The following CELF2 variants were observed in gnomAD, a reference collection of about 807,000 sequenced individuals.
CELF2 encodes CUGBP Elav-like family member 2.
CELF2 carries 8 observed loss-of-function variants against 62.6 expected under a neutral mutation model. The ratio of observed to expected loss-of-function variants is 0.13; its 90% CI spans 0.07 to 0.23. CELF2 has a LOEUF of 0.23. CELF2 is among the 10% of genes least tolerant of loss of function. The probability of loss-of-function intolerance (pLI) is 1.00; values close to 1 mark genes in which losing one functional copy is unlikely to be tolerated. For synonymous variants in CELF2, 258 were observed against 250.0 expected, an observed-to-expected ratio of 1.03 and a Z score of -0.30; for missense variants, 333 against 671.0, an observed-to-expected ratio of 0.50 and a Z score of 5.56.
chr10:10,548,215 C>G, the CELF2 span, among the ~76,000 whole-genome samples: 70 of 152,332 alleles, frequency 4.6e-4, no homozygotes, highest in African/African-American at 1.6e-3. Flanking sequence ...CAGGGATACC[C>G]TGTGGTCCCT....
chr10:10,494,766 C>T, the CELF2 span, among the ~76,000 whole-genome samples: 2 of 152,064 alleles, frequency 1.3e-5, no homozygotes, highest in African/African-American at 2.4e-5. Flanking sequence ...TCAAAGGCCT[C>T]TATAAAAAAT....
chr10:11,313,883 G>A (rs2094732467), intron 9 of CELF2, among the ~76,000 whole-genome samples: 1 of 152,100 alleles, frequency 6.6e-6, no homozygotes, highest in Admixed American at 6.5e-5. Flanking sequence ...TGGCAGGGCA[G>A]GCCTCCCATT....
intron 1 of CELF2, among the ~76,000 whole-genome samples, chr10:10,829,745 G>A (rs1461625916): frequency 6.6e-6 from 1 of 152,168 alleles, no homozygotes; most frequent in Non-Finnish European, 1.5e-5. Context: ...GAGATAAGAA[G>A]CAAAACAGAG....
At chr10:10,711,078 G>C in the CELF2 span, among the ~76,000 whole-genome samples, 1 of 152,158 alleles carries the variant, frequency 6.6e-6, no homozygotes, top group Admixed American at 6.5e-5. Flanking sequence ...AAGGGTTGCA[G>C]TGGTCCTGGC....
At position 11,110,894 on chromosome 10, in the gene CELF2, C is replaced by T. The variant is rs997387684; in HGVS notation, c.75-54592C>T. On this transcript the variant is annotated intron_variant, in intron 1 of 12. Transcript: ENST00000633077. The surrounding 1 kb of genome is among the most constrained non-coding windows in gnomAD (Gnocchi z 4.0). ...ACAAGGAGCAAAGCCCTTGGAAACG[C>T]AGCACTGCAATGAGCATTTTATTGA... Among the ~76,000 whole-genome samples, 2 of 152,144 alleles carry T rather than the reference C, an allele frequency of 1.3e-5. No individual in the cohort carries two copies. Among genetic ancestry groups the T allele is most frequent in the African/African-American group, 2.4e-5 (1 of 41,418 alleles).
chr10:10,841,429 A>G (rs2058678513), intron 1 of CELF2, among the ~76,000 whole-genome samples: 1 of 151,424 alleles, frequency 6.6e-6, no homozygotes, highest in African/African-American at 2.4e-5. Context: ...TATCTGAGTT[A>G]ATTTTATGGA....
chr10:10,609,945 A>G, the CELF2 span, among the ~76,000 whole-genome samples: 2 of 152,228 alleles, frequency 1.3e-5, no homozygotes, highest in Non-Finnish European at 2.9e-5. Flanking sequence ...AAATTCACTA[A>G]TCACTGTGGT....
chr10:10,981,879 A>T (rs1182756786), intron 2 of CELF2, among the ~76,000 whole-genome samples: 3 of 152,062 alleles, frequency 2.0e-5, no homozygotes, highest in Admixed American at 1.3e-4. Flanking sequence ...CAGGATATAA[A>T]GCCAGGTCTG....
At chr10:10,485,074 AT>A in the CELF2 span, among the ~76,000 whole-genome samples, 2 of 152,054 alleles carry the variant, frequency 1.3e-5, no homozygotes, top group Admixed American at 1.3e-4. Flanking sequence ...GCCCAGTAAT[AT>A]TTTTTTACAT....
At chr10:10,723,250 A>G in the CELF2 span, among the ~76,000 whole-genome samples, 4 of 152,180 alleles carry the variant, frequency 2.6e-5, no homozygotes, top group Admixed American at 2.0e-4. Flanking sequence ...CTGTGAGTAT[A>G]AAGAATGAGT....
chr10:11,101,371 G>C (rs2051577301), intron 1 of CELF2, among the ~76,000 whole-genome samples: 1 of 152,198 alleles, frequency 6.6e-6, no homozygotes, highest in Admixed American at 6.5e-5. Context: ...CTGTATATAG[G>C]TGTAATTTCA....
chr10:10,519,894 T>C, the CELF2 span, among the ~76,000 whole-genome samples: 2 of 152,164 alleles, frequency 1.3e-5, no homozygotes, highest in African/African-American at 4.8e-5. Flanking sequence ...GACTAAGAAA[T>C]CCTTCTGTTT....
intron 2 of CELF2, among the ~76,000 whole-genome samples, chr10:11,202,544 T>G (rs1223860816): frequency 6.6e-6 from 1 of 152,288 alleles, no homozygotes; most frequent in East Asian, 1.9e-4. Context: ...TTCCACAGTT[T>G]GGAATGTGCT....
chr10:11,013,514 G>T (rs2056802506), upstream of CELF2, among the ~76,000 whole-genome samples: 1 of 151,992 alleles, frequency 6.6e-6, no homozygotes, highest in African/African-American at 2.4e-5. This position sits in a 1 kb window ranked among gnomAD's most constrained non-coding sequence, Gnocchi z 4.1. Flanking sequence ...TCTTCACAAG[G>T]GAGATAAATT....
At chr10:10,742,568 C>G in the CELF2 span, among the ~76,000 whole-genome samples, 1 of 131,830 alleles carries the variant, frequency 7.6e-6, no homozygotes, top group Non-Finnish European at 1.6e-5. Flanking sequence ...AGTACTGCAG[C>G]AACAGAGCAA....
chr10:10,467,472 G>A, the CELF2 span, among the ~76,000 whole-genome samples: 14 of 152,040 alleles, frequency 9.2e-5, no homozygotes, highest in African/African-American at 2.6e-4. Flanking sequence ...ACATTGTATT[G>A]ATTAGCTTTA....
chr10:11,254,281 G>A (rs1464976021), intron 4 of CELF2, among the ~76,000 whole-genome samples: 1 of 152,240 alleles, frequency 6.6e-6, no homozygotes, highest in East Asian at 1.9e-4. Context: ...CAGCCCAACT[G>A]TTGAAACCAC....
intron 1 of CELF2, chr10:11,074,906 C>T (rs1003202417): frequency 6.6e-6 from 1 of 152,192 alleles, no homozygotes; most frequent in Non-Finnish European, 1.5e-5. Context: ...AATTTGGTCT[C>T]TAAATAACAA....
chr10:11,251,270 A>ATTTTTTTTTTTT (rs66615560), intron 4 of CELF2, among the ~76,000 whole-genome samples: 6 of 63,300 alleles, frequency 9.5e-5, no homozygotes, highest in Admixed American at 2.7e-4. Context: ...ACACAAAGGG[A>ATTTTTTTTTTTT]TTTTTTTTTT....
Sources: gnomAD v4.1 joint callset for allele counts (sites outside exome capture counted in the v4.1 genomes callset) on GRCh38, gnomAD v4.1.1 for gene constraint, Gnocchi (gnomAD v3.1) non-coding constraint, MANE v1.5 for transcripts, NCBI Gene and HGNC (gene_info 2026-07-23, HGNC 2026-07-21) for gene names.